PSMC2: variants seen among roughly 807,000 people sequenced by gnomAD.
The protein encoded by PSMC2 is proteasome 26S subunit, ATPase 2.
Under a neutral mutation model 53.3 loss-of-function variants are expected in PSMC2, and 7 were observed. That is an observed-to-expected ratio of 0.13 (90% confidence interval 0.07 to 0.25). The LOEUF (loss-of-function observed/expected upper bound fraction) is 0.25. PSMC2 is among the 10% of genes least tolerant of loss of function. The pLI, the probability that PSMC2 is intolerant of heterozygous loss-of-function variation, is 1.00. For synonymous variants in PSMC2, 169 were observed against 183.9 expected (o/e 0.92, Z 0.66); for missense variants, 241 against 544.0 (o/e 0.44, Z 5.54).
At position 103,354,906 on chromosome 7, in the gene PSMC2, A is replaced by G; in HGVS notation, c.147A>G (p.Glu49=). Residue 49 remains glutamate (E), a synonymous_variant, in exon 3 of 12, where the codon GAA becomes GAG. Transcript: ENST00000292644. ...ACTCTAGGCAGATCAAGCAAGTTGA[A>G]GATGACATTCAGCAACTTCTCAAGA... The part of the protein sequence containing the change: ...STYSRQIKQV[E]DDIQQLLKKI... 6.2e-7 allele frequency: 1 copy of G among 1,613,626 alleles called. No homozygotes were observed. The highest frequency in any genetic ancestry group is 8.5e-7 in the Non-Finnish European group (1 of 1,179,668).
At chr7:103,348,341 C>G (rs1449699385) in intron 1 of PSMC2, among the ~76,000 whole-genome samples, 1 of 152,186 alleles carries the variant, frequency 6.6e-6, no homozygotes, top group Non-Finnish European at 1.5e-5. Context: ...TATACATATA[C>G]AAGCAAGTGT....
Position 103,368,003 on chromosome 7 carries a change from T to G in PSMC2, c.1251T>G (p.Ile417Met), listed in dbSNP as rs1338736968. ...KDFLEAVNKV[I>M]KSYAKFSATP... is the part of the protein sequence containing the mutation. The stretch of plus-strand genomic sequence containing the variant: ...TCTTGGAAGCTGTAAATAAGGTCAT[T>G]AAGTCTTATGCCAAATTCAGTGCTA... Residue 417 changes from isoleucine (I) to methionine (M), a missense_variant, in exon 12 of 12, where the codon ATT becomes ATG. Physicochemically the swap from Ile to Met is conservative, Grantham distance 10. This residue lies in a region of PSMC2 where 60 missense variants were observed against 115.8 expected (regional missense o/e 0.52). Coordinates refer to ENST00000292644, the MANE Select transcript of PSMC2 (RefSeq NM_002803.4). 6.2e-7 allele frequency: 1 copy of G among 1,614,022 alleles called. No homozygotes were observed. Among genetic ancestry groups the G allele is most frequent in the South Asian group, 1.1e-5 (1 of 91,068 alleles).
intron 1 of PSMC2, among the ~76,000 whole-genome samples, chr7:103,352,142 A>C (rs1819758548): frequency 7.8e-6 from 1 of 129,000 alleles, no homozygotes; most frequent in Non-Finnish European, 1.6e-5. Flanking sequence ...TAATGTGTAT[A>C]CTATGTTTCA....
intron 8 of PSMC2, among the ~76,000 whole-genome samples, 162 bp from the exon 9 acceptor site, chr7:103,365,914 G>A (rs1006099345): frequency 4.6e-5 from 7 of 152,048 alleles, no homozygotes; most frequent in Non-Finnish European, 1.0e-4. Context: ...GGCGACAGAG[G>A]AAGACTCCAT....
At chr7:103,348,163 C>G (rs1819646080) in intron 1 of PSMC2, among the ~76,000 whole-genome samples, 1 of 152,140 alleles carries the variant, frequency 6.6e-6, no homozygotes, top group Admixed American at 6.5e-5. Context: ...AATTCTGAGA[C>G]ATAATTTTCT....
In PSMC2 at chr7:103,350,746, C is replaced by T. The variant is rs55965605; in HGVS notation, c.70+2965C>T. Among the ~76,000 whole-genome samples the T allele has an allele frequency of 6.1e-3, 929 of 152,182 alleles. 6 individuals carry two copies. Among genetic ancestry groups the T allele is most frequent in the Non-Finnish European group, 0.011 (730 of 68,006 alleles). On this transcript the variant is annotated intron_variant, in intron 1 of 11. Transcript: ENST00000292644. ...TTCCTGGGCTCAAGTGATCCTCCCA[C>T]CTTGGCCACCCAAAGTACTGGCATT...
intron 4 of PSMC2, among the ~76,000 whole-genome samples, chr7:103,358,758 AGG>A (rs1820188047): frequency 6.6e-6 from 1 of 152,040 alleles, no homozygotes; most frequent in African/African-American, 2.4e-5. Flanking sequence ...ACATTTTTCT[AGG>A]CCGTATGAGG....
At chr7:103,361,680 G>C (rs1820423792) in intron 4 of PSMC2, among the ~76,000 whole-genome samples, 1 of 152,022 alleles carries the variant, frequency 6.6e-6, no homozygotes, top group Admixed American at 6.6e-5. Context: ...TAATAATAAA[G>C]GAATACAAAC....
intron 4 of PSMC2, among the ~76,000 whole-genome samples, chr7:103,360,703 G>A (rs1820333627): frequency 6.6e-6 from 1 of 152,100 alleles, no homozygotes; most frequent in South Asian, 2.1e-4. Context: ...TTTTTCTTTA[G>A]TAGATAGATA....
intron 4 of PSMC2, among the ~76,000 whole-genome samples, chr7:103,360,978 C>T (rs2116215091): frequency 6.6e-6 from 1 of 152,024 alleles, no homozygotes; most frequent in Middle Eastern, 3.4e-3. Flanking sequence ...GCCGGGCGTG[C>T]TGGCGCATTC....
At position 103,367,955 on chromosome 7, in the gene PSMC2, A is replaced by G. The variant is rs1408254709; in HGVS notation, c.1203A>G (p.Arg401=). The change falls in exon 12 of 12, where the codon CGA becomes CGG. Residue 401 remains arginine (R), a synonymous_variant. Coordinates refer to ENST00000292644, the MANE Select transcript of PSMC2 (RefSeq NM_002803.4). The surrounding 1 kb of genome is among the most constrained non-coding windows in gnomAD (Gnocchi z 6.1). ...EAGMFAIRAR[R]KIATEKDFLE... Reference sequence around the variant, plus strand: ...GTATGTTTGCCATCAGAGCACGGCGAAAAATTGCTACCGAGAAGGATTTCT... The same window carrying G: ...GTATGTTTGCCATCAGAGCACGGCGGAAAATTGCTACCGAGAAGGATTTCT... The G allele has an allele frequency of 6.2e-7, 1 of 1,614,072 alleles. No homozygotes were observed. The highest frequency in any genetic ancestry group is 8.5e-7 in the Non-Finnish European group (1 of 1,179,982).
In PSMC2 at chr7:103,368,329, C is replaced by T. The variant is rs1025682299; in HGVS notation, c.*275C>T. On this transcript the variant is annotated 3_prime_UTR_variant, in exon 12 of 12. Coordinates refer to ENST00000292644, the MANE Select transcript of PSMC2 (RefSeq NM_002803.4). ...GCTTCTATCCTAGGCATATGCTGGC[C>T]GGGTGCTCTACATATAAATTCTCAT... 18 of 259,368 alleles carry T rather than the reference C, an allele frequency of 6.9e-5. No individual in the cohort carries two copies. The highest frequency in any genetic ancestry group is 3.1e-4 in the African/African-American group (14 of 44,928). 16.1% of individuals were successfully genotyped at this position (259,368 alleles called of 1,614,324 possible).
chr7:103,353,847 A>C, intron 1 of PSMC2, 74 bp from the exon 2 acceptor site: 1 of 1,263,204 alleles, frequency 7.9e-7, no homozygotes, highest in Non-Finnish European at 1.1e-6. Context: ...ACAGAAAAAA[A>C]GCTCTAGTTT....
intron 6 of PSMC2, among the ~76,000 whole-genome samples, chr7:103,363,114 T>C (rs1820509069): frequency 6.6e-6 from 1 of 152,202 alleles, no homozygotes; most frequent in Non-Finnish European, 1.5e-5. Context: ...TATATATTTT[T>C]TGAGACAGAG....
intron 9 of PSMC2, among the ~76,000 whole-genome samples, chr7:103,366,953 T>C (rs370127473): frequency 6.6e-6 from 1 of 152,142 alleles, no homozygotes; most frequent in Non-Finnish European, 1.5e-5. Context: ...TACAGATGCC[T>C]ACCACCATGC....
chr7:103,359,268 G>A (rs1820235715), intron 4 of PSMC2, among the ~76,000 whole-genome samples: 1 of 149,090 alleles, frequency 6.7e-6, no homozygotes, highest in African/African-American at 2.5e-5. Context: ...AAAGTTCTGG[G>A]ATTACAGGTG....
intron 1 of PSMC2, chr7:103,352,720 A>G: frequency 1.4e-6 from 1 of 691,238 alleles, no homozygotes; most frequent in Non-Finnish European, 2.7e-6. Flanking sequence ...CCTAAAAACA[A>G]CTCATCCTGG....
At chr7:103,360,346 T>C (rs914884282) in intron 4 of PSMC2, among the ~76,000 whole-genome samples, 1 of 152,186 alleles carries the variant, frequency 6.6e-6, no homozygotes, top group African/African-American at 2.4e-5. Context: ...TCCTTTCAGG[T>C]TTTTTGGTCA....
Position 103,359,932 on chromosome 7 carries a change from T to C in PSMC2, c.291-2025T>C, listed in dbSNP as rs150155880. 3.7e-3 allele frequency among the ~76,000 whole-genome samples: 570 copies of C among 152,066 alleles called. 3 individuals carry two copies. The highest frequency in any genetic ancestry group is 0.014 in the African/African-American group (561 of 41,480). ...TGTCTCTACTAAAAATATAAAAATA[T>C]TAGCTGGGCGTGGTGGCAGGCGCCT... On this transcript the variant is annotated intron_variant, in intron 4 of 11. Transcript: ENST00000292644.
Sources: gnomAD v4.1 joint callset for allele counts (sites outside exome capture counted in the v4.1 genomes callset) on GRCh38, gnomAD v4.1.1 for gene constraint, gnomAD v4.1.1 regional missense constraint, Gnocchi (gnomAD v3.1) non-coding constraint, MANE v1.5 for transcripts, NCBI Gene and HGNC (gene_info 2026-07-23, HGNC 2026-07-21) for gene names.